SOX13: variants seen among roughly 807,000 people sequenced by gnomAD.
SOX13 encodes SRY-box transcription factor 13.
SOX13 carries 28 observed loss-of-function variants against 71.8 expected under a neutral mutation model. The observed-to-expected ratio is 0.39, with a 90% CI of 0.29 to 0.53. The LOEUF (loss-of-function observed/expected upper bound fraction) is 0.53, where lower values mean the gene tolerates loss of function less well. Among genes scored for constraint, SOX13 ranks in the 20% least tolerant of loss-of-function variants. SOX13 has a pLI of 0.70. For synonymous variants in SOX13, 309 were observed against 317.8 expected, an observed-to-expected ratio of 0.97 and a Z score of 0.29; for missense variants, 627 against 810.3, an observed-to-expected ratio of 0.77 and a Z score of 2.75.
chr1:204,095,626 C>T (rs1008206526), intron 1 of SOX13, among the ~76,000 whole-genome samples: 2 of 152,134 alleles, frequency 1.3e-5, no homozygotes, highest in Non-Finnish European at 2.9e-5. Context: ...GAAAGCATAA[C>T]TTATTAGCAG....
At chr1:204,079,095 G>C (rs922850917) in intron 1 of SOX13, among the ~76,000 whole-genome samples, 2 of 152,004 alleles carry the variant, frequency 1.3e-5, no homozygotes, top group South Asian at 4.2e-4. Flanking sequence ...TCAGGAGATC[G>C]AGACCATCCT....
rs143235800 is a variant in SOX13, at chr1:204,083,619, G to T, written c.-2+9908G>T. ...AAGCACATTGGCCTTTTAAGCAGCC[G>T]CGGGGCCTTACTAATCCAAGAGGTG... On this transcript the variant is annotated intron_variant, in intron 1 of 13. Coordinates refer to ENST00000367204, the MANE Select transcript of SOX13 (RefSeq NM_005686.3). 4.0e-3 allele frequency among the ~76,000 whole-genome samples: 610 copies of T among 152,280 alleles called. 1 individual carries two copies. The highest frequency in any genetic ancestry group is 0.014 in the African/African-American group (575 of 41,548).
intron 1 of SOX13, chr1:204,074,524 C>T (rs1037113650): frequency 3.9e-5 from 6 of 152,228 alleles, no homozygotes; most frequent in African/African-American, 1.2e-4. Flanking sequence ...CGTAAACACA[C>T]ACGCACACAC....
intron 1 of SOX13, among the ~76,000 whole-genome samples, chr1:204,076,857 G>C (rs1225442210): frequency 1.3e-5 from 2 of 152,274 alleles, no homozygotes; most frequent in Admixed American, 6.5e-5. Context: ...GCCAGGGCCT[G>C]TGCTACGCAG....
chr1:204,113,542 G>A (rs773822896), intron 2 of SOX13, among the ~76,000 whole-genome samples: 115 of 152,160 alleles, frequency 7.6e-4, no homozygotes, highest in Non-Finnish European at 1.1e-3. Flanking sequence ...AGATGATACG[G>A]TTCTTGACCC....
rs1471182134 is a variant in SOX13, at chr1:204,114,512, C to G, written c.332-7C>G. 8 of 1,613,294 alleles carry G rather than the reference C, an allele frequency of 5.0e-6. No individual in the cohort carries two copies. The highest frequency in any genetic ancestry group is 1.3e-5 in the African/African-American group (1 of 74,904). On this transcript the variant is annotated splice_polypyrimidine_tract_variant and splice_region_variant and intron_variant, in intron 3 of 13. Coordinates refer to ENST00000367204, the MANE Select transcript of SOX13 (RefSeq NM_005686.3). ...CGGTTATTCCTCACCCCTTTGCTGT[C>G]TTCCAGTGGTGCCAGCCATAGAGAA... is the stretch of plus-strand genomic sequence containing the variant.
chr1:204,077,103 C>G lies in SOX13; in HGVS notation c.-2+3392C>G, dbSNP rs77087357. Among the ~76,000 whole-genome samples the G allele has an allele frequency of 2.6e-3, 397 of 152,290 alleles. 5 individuals are homozygous for G. The East Asian group carries it at 0.036, about 14-fold the overall frequency. The stretch of plus-strand genomic sequence containing the variant: ...CCCTGGGGGAGAGGATAGCTCAGCC[C>G]AGGCCTTGAAGGCTGAGGAGCCAGC... On this transcript the variant is annotated intron_variant, in intron 1 of 13. Coordinates refer to ENST00000367204, the MANE Select transcript of SOX13 (RefSeq NM_005686.3).
rs1426237266 is a variant in SOX13, at chr1:204,123,842, C to T, written c.1375+38C>T. 1.9e-6 allele frequency: 3 copies of T among 1,609,460 alleles called. No individual in the cohort carries two copies. Among genetic ancestry groups the T allele is most frequent in the Non-Finnish European group, 2.6e-6 (3 of 1,176,456 alleles). ...GGCTGGGGCCATGGTTCAGTGTGAC[C>T]TGGTTGCAGGAGCCAGCTGGGTCTA... On this transcript the variant is annotated intron_variant, in intron 12 of 13. Coordinates refer to ENST00000367204, the MANE Select transcript of SOX13 (RefSeq NM_005686.3). This position sits in a 1 kb window ranked among gnomAD's most constrained non-coding sequence, Gnocchi z 5.0.
rs1281400925 is a variant in SOX13, at chr1:204,121,968, A to C, written c.844A>C (p.Thr282Pro). The C allele has an allele frequency of 1.2e-6, 2 of 1,607,164 alleles. No individual in the cohort carries two copies. The highest frequency in any genetic ancestry group is 2.7e-5 in the African/African-American group (2 of 74,716). Residue 282 changes from threonine to proline, a missense_variant, in exon 8 of 14, where the codon ACC becomes CCC. Physicochemically the swap from Thr to Pro is conservative, Grantham distance 38. Around this residue, in one of 3 missense-constraint regions of SOX13, gnomAD observed 447 missense variants for 532.2 expected, o/e 0.84. Transcript: ENST00000367204. ...PVVKRPGAMATHHPLQEPSQP... is the reference protein window; with the variant it reads ...PVVKRPGAMAPHHPLQEPSQP... Reference sequence around the variant, plus strand: ...GGTGAAGAGGCCTGGGGCCATGGCCACCCACCACCCCCTGCAGGTACCGCC... The same window carrying C: ...GGTGAAGAGGCCTGGGGCCATGGCCCCCCACCACCCCCTGCAGGTACCGCC...
chr1:204,114,035 A>G (rs932419307), intron 2 of SOX13, among the ~76,000 whole-genome samples: 4 of 152,210 alleles, frequency 2.6e-5, no homozygotes, highest in African/African-American at 9.7e-5. Context: ...TTCCATTTTC[A>G]AAAGAGGGAA....
chr1:204,074,232 A>G (rs1230614414), intron 1 of SOX13: 2 of 152,110 alleles, frequency 1.3e-5, no homozygotes, highest in Non-Finnish European at 2.9e-5. Flanking sequence ...GCTGGGGGAC[A>G]GACGCGCTCC....
intron 1 of SOX13, among the ~76,000 whole-genome samples, chr1:204,078,946 G>T (rs1295719187): frequency 6.6e-6 from 1 of 152,248 alleles, no homozygotes; most frequent in Non-Finnish European, 1.5e-5. Context: ...AGCACTTGCT[G>T]TATGCCATGG....
chr1:204,122,154 A>G lies in SOX13; in HGVS notation c.862-83A>G, dbSNP rs1036943564. 16 of 1,242,680 alleles carry G rather than the reference A, an allele frequency of 1.3e-5. No individual in the cohort carries two copies. In the African/African-American group the frequency reaches 2.0e-4, roughly 15 times the overall value. 77.0% of individuals were successfully genotyped at this position (1,242,680 alleles called of 1,614,324 possible). On this transcript the variant is annotated intron_variant, in intron 8 of 13. Coordinates refer to ENST00000367204, the MANE Select transcript of SOX13 (RefSeq NM_005686.3). ...GTCTGTCTCCTTGTGTGTTCTGGGT[A>G]TGCTCACCTCACTTCCTCTCTGTCC...
At chr1:204,096,049 C>CTTTGTTGATTCT (rs1656244403) in intron 1 of SOX13, among the ~76,000 whole-genome samples, 1 of 152,054 alleles carries the variant, frequency 6.6e-6, no homozygotes, top group African/African-American at 2.4e-5. Flanking sequence ...ATATATCATA[C>CTTTGTTGATTCT]TTTGTTGATT....
intron 1 of SOX13, among the ~76,000 whole-genome samples, chr1:204,077,051 C>T (rs551809121): frequency 1.3e-5 from 2 of 152,228 alleles, no homozygotes; most frequent in Admixed American, 1.3e-4. Context: ...CAGTGGTGGC[C>T]CTAGATTGGG....
chr1:204,126,250 G>A lies in SOX13; in HGVS notation c.*116G>A, dbSNP rs574312865. 8.9e-7 allele frequency: 1 copy of A among 1,124,868 alleles called. No individual in the cohort carries two copies. Among genetic ancestry groups the A allele is most frequent in the African/African-American group, 1.5e-5 (1 of 65,356 alleles). 69.7% of individuals were successfully genotyped at this position (1,124,868 alleles called of 1,614,324 possible). The stretch of plus-strand genomic sequence containing the variant: ...TACTTGGACTTGTTCGTGCCCCAGA[G>A]ATGGGCAAAGCTGTGCACTTGCAGA... On this transcript the variant is annotated 3_prime_UTR_variant, in exon 14 of 14. Coordinates refer to ENST00000367204, the MANE Select transcript of SOX13 (RefSeq NM_005686.3).
chr1:204,100,552 G>C (rs756109245), intron 1 of SOX13, among the ~76,000 whole-genome samples: 1 of 152,096 alleles, frequency 6.6e-6, no homozygotes, highest in African/African-American at 2.4e-5. Flanking sequence ...TTGAAAAGGC[G>C]CCAAAGCCAG....
At chr1:204,112,799 T>C in intron 1 of SOX13, 116 bp from the exon 2 acceptor site, 1 of 726,946 alleles carries the variant, frequency 1.4e-6, no homozygotes, top group Non-Finnish European at 2.3e-6. Context: ...TGTGCCCATG[T>C]GACAGGCACC....
intron 12 of SOX13, among the ~76,000 whole-genome samples, chr1:204,124,027 G>A (rs1656866971): frequency 6.6e-6 from 1 of 152,238 alleles, no homozygotes; most frequent in South Asian, 2.1e-4. Context: ...CAAGGAGTGT[G>A]CGTGTGTGTG....
Sources: gnomAD v4.1 joint callset for allele counts (sites outside exome capture counted in the v4.1 genomes callset) on GRCh38, gnomAD v4.1.1 for gene constraint, gnomAD v4.1.1 regional missense constraint, Gnocchi (gnomAD v3.1) non-coding constraint, MANE v1.5 for transcripts, NCBI Gene and HGNC (gene_info 2026-07-23, HGNC 2026-07-21) for gene names.